USP15: variants seen among roughly 807,000 people sequenced by gnomAD.
The protein encoded by USP15 is ubiquitin carboxyl-terminal hydrolase 15.
In USP15, 18 loss-of-function variants were observed where a neutral mutation model predicts 127.1. That is an observed-to-expected ratio of 0.14 (90% CI 0.10 to 0.21). The LOEUF is 0.21. USP15 is among the 10% of genes least tolerant of loss of function. The pLI, the probability that USP15 is intolerant of heterozygous loss-of-function variation, is 1.00. For synonymous variants in USP15, 364 were observed against 393.7 expected, an observed-to-expected ratio of 0.92 and a Z score of 0.89; for missense variants, 805 against 1,159.9, an observed-to-expected ratio of 0.69 and a Z score of 4.44.
chr12:62,304,573 A>T (rs1386826619), intron 3 of USP15: 2 of 317,422 alleles, frequency 6.3e-6, no homozygotes, highest in African/African-American at 4.3e-5. Context: ...CTCTGATTGC[A>T]TTAAAGAATC....
intron 1 of USP15, chr12:62,267,329 C>A (rs549106012): frequency 6.6e-6 from 1 of 152,074 alleles, no homozygotes; most frequent in Admixed American, 6.5e-5. Flanking sequence ...TAGCATAAGC[C>A]TAGTAAGTAG....
chr12:62,366,729 T>C (rs1284841496), intron 8 of USP15, among the ~76,000 whole-genome samples: 1 of 152,206 alleles, frequency 6.6e-6, no homozygotes, highest in Non-Finnish European at 1.5e-5. Flanking sequence ...ATTCCATCAA[T>C]ACCTAGTTTA....
At chr12:62,264,234 T>C (rs1467463264) in intron 1 of USP15, among the ~76,000 whole-genome samples, 2 of 152,218 alleles carry the variant, frequency 1.3e-5, no homozygotes, top group African/African-American at 4.8e-5. Flanking sequence ...TCTGCCTACC[T>C]TGGCCTCCCA....
intron 2 of USP15, among the ~76,000 whole-genome samples, chr12:62,296,677 G>C (rs2064138983): frequency 6.6e-6 from 1 of 152,168 alleles, no homozygotes; most frequent in African/African-American, 2.4e-5. Flanking sequence ...AGAAACCCAA[G>C]ATCCAGTTAA....
At chr12:62,279,026 C>T (rs1259229612) in intron 1 of USP15, 2 of 152,126 alleles carry the variant, frequency 1.3e-5, no homozygotes, top group African/African-American at 2.4e-5. Context: ...GAATACTTAA[C>T]ATGAGCGCTG....
chr12:62,331,932 A>G (rs1238113341), intron 6 of USP15, among the ~76,000 whole-genome samples: 1 of 152,178 alleles, frequency 6.6e-6, no homozygotes, highest in East Asian at 1.9e-4. Context: ...TGGGAGGCCA[A>G]GGTGAACGGA....
intron 1 of USP15, among the ~76,000 whole-genome samples, chr12:62,271,828 A>G (rs192057376): frequency 6.6e-6 from 1 of 151,840 alleles, no homozygotes; most frequent in African/African-American, 2.4e-5. Flanking sequence ...TGAGTTTCTT[A>G]TTTGTCTTAG....
Position 62,413,913 on chromosome 12 carries a change from TTGAG to T in USP15, c.*9539_*9542del, listed in dbSNP as rs2068094264. ...AGCTCCAATCATTTATAGCATTTGA[TTGAG>T]AGAGAGAGAGAGATGTACAGCTCTT... On this transcript the variant is annotated 3_prime_UTR_variant, in exon 22 of 22. Transcript: ENST00000280377. 1 of 152,086 alleles carries T rather than the reference TTGAG, an allele frequency of 6.6e-6. No homozygotes were observed. Among genetic ancestry groups the T allele is most frequent in the Non-Finnish European group, 1.5e-5 (1 of 68,022 alleles). 9.4% of individuals were successfully genotyped at this position (152,086 alleles called of 1,614,324 possible).
chr12:62,290,169 G>T (rs1372888605), intron 1 of USP15, among the ~76,000 whole-genome samples: 1 of 152,018 alleles, frequency 6.6e-6, no homozygotes, highest in Non-Finnish European at 1.5e-5. Context: ...TTTCTTTGTT[G>T]GTTTTGTGTC....
Position 62,325,788 on chromosome 12 carries a change from T to A in USP15, c.622-84T>A, listed in dbSNP as rs374035199. 14 of 1,135,036 alleles carry A rather than the reference T, an allele frequency of 1.2e-5. No individual in the cohort carries two copies. The East Asian group carries it at 1.2e-4, about 10-fold the overall frequency. 70.3% of individuals were successfully genotyped at this position (1,135,036 alleles called of 1,614,324 possible). On this transcript the variant is annotated intron_variant, in intron 5 of 21. Coordinates refer to ENST00000280377, the MANE Select transcript of USP15 (RefSeq NM_001252078.2). ...TAAATAATCACAGAGTTACTTTAGT[T>A]TCTTAGTTTATCCAGCTATCTTCTA...
intron 5 of USP15, 59 bp from the exon 6 acceptor site, chr12:62,325,813 A>G: frequency 7.1e-7 from 1 of 1,408,324 alleles, no homozygotes; most frequent in South Asian, 1.3e-5. Context: ...GCTATCTTCT[A>G]AAGTTATTTT....
intron 20 of USP15, among the ~76,000 whole-genome samples, chr12:62,397,513 T>C (rs1307424177): frequency 6.6e-6 from 1 of 152,212 alleles, no homozygotes; most frequent in Non-Finnish European, 1.5e-5. Context: ...TTATAATGCT[T>C]ATATTACACT....
At chr12:62,274,697 C>T (rs1308383875) in intron 1 of USP15, among the ~76,000 whole-genome samples, 1 of 152,002 alleles carries the variant, frequency 6.6e-6, no homozygotes, top group Non-Finnish European at 1.5e-5. Flanking sequence ...TACCCTGTCT[C>T]AAAGGAAGGA....
chr12:62,318,318 A>T (rs562387329), intron 4 of USP15, among the ~76,000 whole-genome samples: 1 of 152,198 alleles, frequency 6.6e-6, no homozygotes, highest in Non-Finnish European at 1.5e-5. Flanking sequence ...CTCTGTTGGT[A>T]CTACTACTGT....
intron 1 of USP15, among the ~76,000 whole-genome samples, chr12:62,292,236 G>C (rs1426436506): frequency 6.6e-6 from 1 of 152,184 alleles, no homozygotes; most frequent in Non-Finnish European, 1.5e-5. Context: ...TCCTATTCTG[G>C]TGCTCAGGTT....
chr12:62,310,991 A>T (rs938245391), intron 3 of USP15, among the ~76,000 whole-genome samples: 1 of 151,928 alleles, frequency 6.6e-6, no homozygotes, highest in Non-Finnish European at 1.5e-5. Flanking sequence ...GATGTTGAAC[A>T]TTTTTATATA....
In USP15 at chr12:62,384,089, A is replaced by G; in HGVS notation, c.1260A>G (p.Glu420=). The G allele has an allele frequency of 6.2e-7, 1 of 1,612,416 alleles. No homozygotes were observed. Among genetic ancestry groups the G allele is most frequent in the Non-Finnish European group, 8.5e-7 (1 of 1,179,194 alleles). ...ADGRPDKVVA[E]EAWENHLKRN... ...TATTATCCTTGTAGGTGGTTGCCGA[A>G]GAAGCCTGGGAAAACCATTTAAAAC... The change falls in exon 11 of 22, where the codon GAA becomes GAG. Residue 420 remains glutamate (E), a synonymous_variant. Transcript: ENST00000280377.
intron 3 of USP15, among the ~76,000 whole-genome samples, chr12:62,304,411 T>G (rs537915640): frequency 6.6e-6 from 1 of 152,296 alleles, no homozygotes; most frequent in African/African-American, 2.4e-5. Context: ...TCCTACAACA[T>G]TAAATCTGCA....
At chr12:62,310,058 T>C (rs1352925168) in intron 3 of USP15, among the ~76,000 whole-genome samples, 2 of 151,900 alleles carry the variant, frequency 1.3e-5, no homozygotes, top group Non-Finnish European at 2.9e-5. Flanking sequence ...GGTTTAAAAT[T>C]CCAAAAATAT....
Sources: gnomAD v4.1 joint callset for allele counts (sites outside exome capture counted in the v4.1 genomes callset) on GRCh38, gnomAD v4.1.1 for gene constraint, MANE v1.5 for transcripts, NCBI Gene and HGNC (gene_info 2026-07-23, HGNC 2026-07-21) for gene names.